Variants in MAGI2 observed in about 807,000 individuals in gnomAD.
The protein encoded by MAGI2 is membrane-associated guanylate kinase, WW and PDZ domain-containing protein 2.
Under a neutral mutation model 133.3 loss-of-function variants are expected in MAGI2, and 35 were observed. That is an observed-to-expected ratio of 0.26 (90% confidence interval 0.20 to 0.35). The LOEUF (loss-of-function observed/expected upper bound fraction) is 0.35, where lower values mean the gene tolerates loss of function less well. Among genes scored for constraint, MAGI2 ranks in the 10% least tolerant of loss-of-function variants. The probability of loss-of-function intolerance (pLI) is 1.00; values close to 1 mark genes in which losing one functional copy is unlikely to be tolerated. For synonymous variants in MAGI2, 729 were observed against 710.6 expected (o/e 1.03, Z -0.41); for missense variants, 1,636 against 1,863.4 (o/e 0.88, Z 2.25).
intron 10 of MAGI2, chr7:78,255,588 A>G: frequency 2.2e-6 from 1 of 464,994 alleles, no homozygotes. Context: ...CAGGTTTCTT[A>G]ATTAAATCAA....
intron 7 of MAGI2, among the ~76,000 whole-genome samples, chr7:78,354,004 G>C (rs1461061374): frequency 6.6e-6 from 1 of 152,078 alleles, no homozygotes; most frequent in Non-Finnish European, 1.5e-5. Context: ...CTGAACTTGG[G>C]AGCATTATAA....
chr7:79,093,583 A>G (rs756652107), intron 1 of MAGI2, among the ~76,000 whole-genome samples: 9 of 152,032 alleles, frequency 5.9e-5, no homozygotes, highest in Non-Finnish European at 8.8e-5. Context: ...GCAAGCCACA[A>G]TCTTCTTGCT....
chr7:78,090,840 A>G (rs1817120585), intron 20 of MAGI2, among the ~76,000 whole-genome samples: 1 of 152,188 alleles, frequency 6.6e-6, no homozygotes, highest in South Asian at 2.1e-4. Flanking sequence ...TGAAATAACC[A>G]TGCCTTTGTT....
intron 1 of MAGI2, among the ~76,000 whole-genome samples, chr7:79,347,555 G>C (rs1433865802): frequency 6.6e-6 from 1 of 151,790 alleles, no homozygotes; most frequent in African/African-American, 2.4e-5. Flanking sequence ...TTATCTCACA[G>C]AGCTCTGGTC....
chr7:79,425,594 ATATATG>A (rs1432805879), intron 1 of MAGI2, among the ~76,000 whole-genome samples: 19 of 57,958 alleles, frequency 3.3e-4, no homozygotes, highest in Admixed American at 2.4e-3. Context: ...ATATATATAT[ATATATG>A]TATATATATG....
intron 2 of MAGI2, among the ~76,000 whole-genome samples, chr7:78,765,558 A>C (rs1824938392): frequency 6.6e-6 from 1 of 151,986 alleles, no homozygotes; most frequent in South Asian, 2.1e-4. Context: ...TATGTTGGCC[A>C]GGCTGGTCTC....
intron 10 of MAGI2, among the ~76,000 whole-genome samples, chr7:78,246,854 G>A (rs1433975815): frequency 6.6e-6 from 1 of 152,176 alleles, no homozygotes; most frequent in African/African-American, 2.4e-5. Flanking sequence ...CCAGTGCCGT[G>A]CCCTGCCCTC....
chr7:79,094,657 A>G (rs1222529317), intron 1 of MAGI2, among the ~76,000 whole-genome samples: 1 of 152,210 alleles, frequency 6.6e-6, no homozygotes, highest in Non-Finnish European at 1.5e-5. Flanking sequence ...TCCTTGATCC[A>G]TGGGCTACAG....
intron 21 of MAGI2, among the ~76,000 whole-genome samples, chr7:78,059,491 C>T (rs911056226): frequency 3.3e-5 from 5 of 152,118 alleles, no homozygotes; most frequent in Admixed American, 1.3e-4. Context: ...ATATCATTTG[C>T]GTGTCAGCTT....
intron 9 of MAGI2, among the ~76,000 whole-genome samples, chr7:78,285,280 C>A (rs945859823): frequency 6.6e-6 from 1 of 152,096 alleles, no homozygotes; most frequent in African/African-American, 2.4e-5. Context: ...TCCTTTGTAT[C>A]CTTAGATTTT....
intron 3 of MAGI2, among the ~76,000 whole-genome samples, chr7:78,541,814 G>A (rs554507497): frequency 2.0e-4 from 31 of 152,144 alleles, no homozygotes; most frequent in Non-Finnish European, 4.3e-4. Context: ...GTAAAAGAAG[G>A]ATTCAAGTAT....
chr7:78,284,304 G>T (rs1488975083), intron 9 of MAGI2, among the ~76,000 whole-genome samples: 1 of 151,916 alleles, frequency 6.6e-6, no homozygotes, highest in Non-Finnish European at 1.5e-5. Context: ...TAAAAATAGA[G>T]AACTATGCAG....
In MAGI2 at chr7:78,511,554, T is replaced by TATAAA. The variant is rs372551773; in HGVS notation, c.755-9768_755-9767insTTTAT. On this transcript the variant is annotated intron_variant, in intron 4 of 21. Coordinates refer to ENST00000354212, the MANE Select transcript of MAGI2 (RefSeq NM_012301.4). ...TCTTTTATATATATATATATAAATT[T>TATAAA]TTTTTTTTTTTTTTTTGACACAGTG... is the stretch of plus-strand genomic sequence containing the variant. Among the ~76,000 whole-genome samples, 624 of 104,624 alleles carry TATAAA rather than the reference T, an allele frequency of 6.0e-3. 2 individuals carry two copies. The highest frequency in any genetic ancestry group is 0.023 in the African/African-American group (590 of 25,198). The allele number at this position is 104,624 out of a possible 152,430, so 68.6% of individuals were successfully genotyped here. A position where few individuals can be genotyped will look rare whatever the true frequency, so the allele number is the denominator to read the frequency against.
At chr7:79,084,485 T>A (rs2129542100) in intron 1 of MAGI2, among the ~76,000 whole-genome samples, 1 of 151,954 alleles carries the variant, frequency 6.6e-6, no homozygotes, top group Admixed American at 6.6e-5. Context: ...TAATCATTTA[T>A]AATTTTATTC....
chr7:78,718,381 G>A (rs1234092059), intron 2 of MAGI2, among the ~76,000 whole-genome samples: 2 of 151,958 alleles, frequency 1.3e-5, no homozygotes, highest in African/African-American at 4.8e-5. Context: ...TTAAGAACTG[G>A]GCCACACGGC....
At chr7:78,805,480 A>C (rs952476063) in intron 2 of MAGI2, among the ~76,000 whole-genome samples, 5 of 152,276 alleles carry the variant, frequency 3.3e-5, no homozygotes, top group African/African-American at 4.8e-5. Flanking sequence ...ATACAGTAGA[A>C]GAGGCAGAAC....
At chr7:78,419,372 A>G (rs1464137774) in intron 6 of MAGI2, among the ~76,000 whole-genome samples, 2 of 146,222 alleles carry the variant, frequency 1.4e-5, no homozygotes, top group Non-Finnish European at 3.0e-5. Context: ...TTACCGGCCT[A>G]TGTTAATTAG....
intron 2 of MAGI2, among the ~76,000 whole-genome samples, chr7:78,831,971 A>G (rs1791201529): frequency 6.6e-6 from 1 of 152,178 alleles, no homozygotes; most frequent in Non-Finnish European, 1.5e-5. Flanking sequence ...AATTGGTGAC[A>G]TTTTTAGGCT....
chr7:79,317,857 T>C (rs1838862097), intron 1 of MAGI2, among the ~76,000 whole-genome samples: 1 of 152,188 alleles, frequency 6.6e-6, no homozygotes, highest in African/African-American at 2.4e-5. Context: ...TTAACTGGAA[T>C]GTGCCTGGTT....
Sources: gnomAD v4.1 joint callset for allele counts (sites outside exome capture counted in the v4.1 genomes callset) on GRCh38, gnomAD v4.1.1 for gene constraint, MANE v1.5 for transcripts, NCBI Gene and HGNC (gene_info 2026-07-23, HGNC 2026-07-21) for gene names.